Variants in LRRC37A observed in about 807,000 individuals in gnomAD.
LRRC37A encodes leucine-rich repeat-containing protein 37A.
A neutral mutation model predicts 35.4 loss-of-function variants in LRRC37A; 3 were observed. The ratio of observed to expected loss-of-function variants is 0.08; its 90% CI spans 0.04 to 0.22. The LOEUF is 0.22. Ranked by LOEUF, LRRC37A falls within the 10% of genes least tolerant of loss-of-function variation. LRRC37A has a pLI of 1.00. For missense variants in LRRC37A, 67 were observed against 565.3 expected, an observed-to-expected ratio of 0.12 and a Z score of 8.94; for synonymous variants, 23 against 215.0, an observed-to-expected ratio of 0.11 and a Z score of 7.81.
At chr17:46,304,969 T>C (rs1449517738) in intron 3 of LRRC37A, among the ~76,000 whole-genome samples, 1 of 74,246 alleles carries the variant, frequency 1.3e-5, no homozygotes. Context: ...CCTGGGTTCA[T>C]GCCATTCTCC....
intron 10 of LRRC37A, among the ~76,000 whole-genome samples, chr17:46,333,342 C>T (rs531855503): frequency 2.0e-5 from 1 of 50,572 alleles, no homozygotes; most frequent in South Asian, 1.0e-3. Flanking sequence ...GCTCAGCTTG[C>T]ATCAACTTAC....
the LRRC37A span, among the ~76,000 whole-genome samples, chr17:46,255,367 T>C: frequency 2.5e-5 from 3 of 118,266 alleles, no homozygotes; most frequent in Non-Finnish European, 6.5e-5. Flanking sequence ...CAAATTCTTT[T>C]TTTTTTTTTT....
chr17:46,262,245 G>A, the LRRC37A span, among the ~76,000 whole-genome samples: 7 of 152,256 alleles, frequency 4.6e-5, no homozygotes, highest in South Asian at 2.1e-4. Flanking sequence ...CCACTGCACC[G>A]GGCCTCTCAA....
At chr17:46,276,830 G>T in the LRRC37A span, among the ~76,000 whole-genome samples, 1 of 148,896 alleles carries the variant, frequency 6.7e-6, no homozygotes, top group Admixed American at 6.7e-5. Context: ...TTGAGACAGG[G>T]TCTCACTCTG....
the LRRC37A span, among the ~76,000 whole-genome samples, chr17:46,271,332 A>ATTTTTTTTT: frequency 2.4e-3 from 305 of 125,472 alleles, no homozygotes; most frequent in Middle Eastern, 4.3e-3. Context: ...TACCTAGCTA[A>ATTTTTTTTT]TTTTTTTTTT....
the LRRC37A span, among the ~76,000 whole-genome samples, chr17:46,280,519 T>C: frequency 6.6e-6 from 1 of 151,256 alleles, no homozygotes; most frequent in Admixed American, 6.6e-5. Context: ...TAATTAAAAA[T>C]ATATATTATT....
chr17:46,257,089 GC>G, the LRRC37A span, among the ~76,000 whole-genome samples: 1 of 152,128 alleles, frequency 6.6e-6, no homozygotes, highest in Non-Finnish European at 1.5e-5. Flanking sequence ...ACCTTTCTGT[GC>G]CTCAGTTACT....
upstream of LRRC37A, among the ~76,000 whole-genome samples, chr17:46,290,152 C>A (rs3110330): frequency 2.7e-5 from 4 of 149,654 alleles, no homozygotes; most frequent in African/African-American, 9.7e-5. Context: ...TTTTTGGAGA[C>A]AGGGCCTCAC....
rs576922510 is a variant in LRRC37A, at chr17:46,324,972, A to G, written c.3053+1945A>G. On this transcript the variant is annotated intron_variant, in intron 7 of 13. Coordinates refer to ENST00000320254, the Ensembl canonical transcript of LRRC37A. ...CAGCCCCCACAATATGGCAAGCTAA[A>G]TAGAGACTCAGTTATGCTAGGGCTG... Among the ~76,000 whole-genome samples, 7 of 78,504 alleles carry G rather than the reference A, an allele frequency of 8.9e-5. 2 individuals carry two copies. The South Asian group carries it at 3.9e-3, about 43-fold the overall frequency. The allele number at this position is 78,504 out of a possible 152,430, so 51.5% of individuals were successfully genotyped here.
the LRRC37A span, among the ~76,000 whole-genome samples, chr17:46,268,257 A>C: frequency 6.6e-6 from 1 of 152,126 alleles, no homozygotes; most frequent in African/African-American, 2.4e-5. Flanking sequence ...GACCTCAAGT[A>C]ATCTGCCCGC....
At chr17:46,270,880 A>C in the LRRC37A span, among the ~76,000 whole-genome samples, 1 of 152,258 alleles carries the variant, frequency 6.6e-6, no homozygotes, top group Non-Finnish European at 1.5e-5. Flanking sequence ...AGCCTGGGCA[A>C]CAGAGCGAGA....
chr17:46,260,540 T>C, the LRRC37A span: 3 of 1,579,990 alleles, frequency 1.9e-6, no homozygotes, highest in South Asian at 1.1e-5. Context: ...CCTGTCTCCC[T>C]GACCCACGCC....
upstream of LRRC37A, among the ~76,000 whole-genome samples, chr17:46,291,746 A>C (rs953141823): frequency 1.8e-4 from 28 of 151,940 alleles, no homozygotes; most frequent in Non-Finnish European, 2.9e-4. Context: ...GCAACATGGC[A>C]AAACCTTGTC....
chr17:46,281,162 G>A, the LRRC37A span, among the ~76,000 whole-genome samples: 1 of 152,184 alleles, frequency 6.6e-6, no homozygotes. Flanking sequence ...AGTGATGTAT[G>A]TAGGAGTGAG....
the LRRC37A span, among the ~76,000 whole-genome samples, chr17:46,286,194 A>G: frequency 6.6e-6 from 1 of 152,276 alleles, no homozygotes; most frequent in Admixed American, 6.5e-5. Flanking sequence ...GATATAAAAT[A>G]GTTTTAGTAT....
chr17:46,270,165 A>C, the LRRC37A span, among the ~76,000 whole-genome samples: 1 of 152,334 alleles, frequency 6.6e-6, no homozygotes, highest in Admixed American at 6.5e-5. Flanking sequence ...CTGGAGAGAG[A>C]GCAGCCTATT....
chr17:46,272,096 G>C, the LRRC37A span, among the ~76,000 whole-genome samples: 1 of 152,260 alleles, frequency 6.6e-6, no homozygotes, highest in Non-Finnish European at 1.5e-5. Flanking sequence ...ATTTGGATAG[G>C]AGAATAAAAG....
At chr17:46,273,960 C>T in the LRRC37A span, among the ~76,000 whole-genome samples, 7 of 152,228 alleles carry the variant, frequency 4.6e-5, no homozygotes, top group African/African-American at 7.2e-5. Context: ...TGTATCTTGT[C>T]GCATTACCTT....
At chr17:46,276,782 CTTT>C in the LRRC37A span, among the ~76,000 whole-genome samples, 1 of 145,700 alleles carries the variant, frequency 6.9e-6, no homozygotes, top group Non-Finnish European at 1.5e-5. Context: ...TAATTTTTTT[CTTT>C]TTTTCTTTTT....
Sources: gnomAD v4.1 joint callset for allele counts (sites outside exome capture counted in the v4.1 genomes callset) on GRCh38, gnomAD v4.1.1 for gene constraint, MANE v1.5 for transcripts, NCBI Gene and HGNC (gene_info 2026-07-23, HGNC 2026-07-21) for gene names.